FANCM: variants seen among roughly 807,000 people sequenced by gnomAD.
FANCM encodes the protein FA complementation group M.
In FANCM, 140 loss-of-function variants were observed where a neutral mutation model predicts 199.5. The observed-to-expected ratio is 0.70, with a 90% CI of 0.61 to 0.81. The LOEUF is 0.81. Among genes scored for constraint, FANCM ranks in the 30% least tolerant of loss-of-function variants. The probability of loss-of-function intolerance (pLI) is 0.00; values close to 1 mark genes in which losing one functional copy is unlikely to be tolerated. For missense variants in FANCM, 2,410 were observed against 2,421.4 expected (o/e 1.00, Z 0.10); for synonymous variants, 840 against 836.8 (o/e 1.00, Z -0.07).
At chr14:45,166,438 G>A (rs1887983049) in intron 10 of FANCM, among the ~76,000 whole-genome samples, 1 of 152,000 alleles carries the variant, frequency 6.6e-6, no homozygotes, top group Non-Finnish European at 1.5e-5. Flanking sequence ...CACCCAGCCT[G>A]AAATGATTTC....
intron 9 of FANCM, among the ~76,000 whole-genome samples, chr14:45,160,874 C>T (rs1411273628): frequency 1.3e-5 from 2 of 152,132 alleles, no homozygotes; most frequent in African/African-American, 2.4e-5. Flanking sequence ...CCTCACTACA[C>T]CGAGAAGCGT....
intron 18 of FANCM, among the ~76,000 whole-genome samples, chr14:45,186,554 G>A (rs1397244625): frequency 3.3e-5 from 5 of 152,106 alleles, no homozygotes; most frequent in Non-Finnish European, 7.4e-5. Context: ...CTCAAAGTTC[G>A]TGACTTTTAA....
chr14:45,187,209 C>CT (rs79999116), intron 18 of FANCM, among the ~76,000 whole-genome samples: 162 of 136,906 alleles, frequency 1.2e-3, no homozygotes, highest in East Asian at 0.011. Flanking sequence ...AATTTCAAAG[C>CT]TTTTTTTTTT....
In FANCM at chr14:45,175,687, A is replaced by G; in HGVS notation, c.2933A>G (p.Asn978Ser). ...YIVRTDDQFY[N>S]CHSLTKEVLA... Reference sequence around the variant, plus strand: ...GTTAGAACAGATGACCAATTTTATAATTGTCACTCATTGACAAAAGAGGTA... The same window carrying G: ...GTTAGAACAGATGACCAATTTTATAGTTGTCACTCATTGACAAAAGAGGTA... Residue 978 changes from asparagine (N) to serine (S), a missense_variant, in exon 14 of 23, where the codon AAT (asparagine) becomes AGT (serine). Transcript: ENST00000267430. 1 of 1,613,462 alleles carries G rather than the reference A, an allele frequency of 6.2e-7. No homozygotes were observed. Among genetic ancestry groups the G allele is most frequent in the Non-Finnish European group, 8.5e-7 (1 of 1,179,520 alleles).
rs1886805351 is a variant in FANCM at position 45,151,392 on chromosome 14, T to A, written c.919-5T>A. ...GCTTAAACTAGATTGCTTTTAAATT[T>A]GCAGATTTTGGAATCATTTGCTCGT... On this transcript the variant is annotated splice_region_variant and splice_polypyrimidine_tract_variant and intron_variant, in intron 4 of 22. Transcript: ENST00000267430. 6.2e-7 allele frequency: 1 copy of A among 1,613,422 alleles called. No individual in the cohort carries two copies. The highest frequency in any genetic ancestry group is 8.5e-7 in the Non-Finnish European group (1 of 1,179,690).
chr14:45,154,700 T>C lies in FANCM; in HGVS notation c.1187T>C (p.Met396Thr). Reference protein sequence around the residue: ...LCGIMDGTKGMTRSKNELGRN... With the variant: ...LCGIMDGTKGTTRSKNELGRN... ...AACCTTTTCTTAATTTCTGAAGGGA[T>C]GACACGGTCAAAAAATGAACTTGGC... is the stretch of plus-strand genomic sequence containing the variant. The change falls in exon 7 of 23, where the codon ATG becomes ACG. Residue 396 changes from methionine to threonine, a missense_variant. Transcript: ENST00000267430. 1 of 1,587,940 alleles carries C rather than the reference T, an allele frequency of 6.3e-7. No homozygotes were observed. Among genetic ancestry groups the C allele is most frequent in the South Asian group, 1.1e-5 (1 of 88,502 alleles).
At chr14:45,143,326 C>G (rs1886114304) in intron 3 of FANCM, among the ~76,000 whole-genome samples, 1 of 151,940 alleles carries the variant, frequency 6.6e-6, no homozygotes, top group African/African-American at 2.4e-5. Context: ...GCCACCACAC[C>G]CAGCAAATTT....
intron 10 of FANCM, 126 bp downstream of exon 10, chr14:45,164,691 C>G: frequency 1.3e-6 from 1 of 750,164 alleles, no homozygotes. Context: ...TATTTTCCCC[C>G]ACTTTGTATT....
chr14:45,138,985 CA>C (rs1885724464), intron 2 of FANCM, among the ~76,000 whole-genome samples: 1 of 152,192 alleles, frequency 6.6e-6, no homozygotes, highest in African/African-American at 2.4e-5. Flanking sequence ...CATATAACAA[CA>C]AAATGATTTC....
chr14:45,166,979 A>G lies in FANCM; in HGVS notation c.1818A>G (p.Arg606=), dbSNP rs1161703520. The G allele has an allele frequency of 1.8e-5, 28 of 1,590,290 alleles. No individual in the cohort carries two copies. The highest frequency in any genetic ancestry group is 2.4e-5 in the Non-Finnish European group (28 of 1,158,504). ...RIYNQSQSNK[R]SIYKAISSNR... ...ATAATCAGAGTCAGTCCAACAAAAG[A>G]AGTATATATAAAGCTATTTCAAGTA... is the stretch of plus-strand genomic sequence containing the variant. Residue 606 remains arginine, a synonymous_variant, in exon 11 of 23, where the codon AGA becomes AGG. Coordinates refer to ENST00000267430, the MANE Select transcript of FANCM (RefSeq NM_020937.4).
intron 3 of FANCM, among the ~76,000 whole-genome samples, chr14:45,143,288 T>G (rs778812865): frequency 1.8e-4 from 28 of 151,758 alleles, no homozygotes; most frequent in Non-Finnish European, 3.5e-4. Flanking sequence ...CACGTCAGCC[T>G]CCTGAGGAGC....
chr14:45,176,158 T>C lies in FANCM; in HGVS notation c.3404T>C (p.Leu1135Pro), dbSNP rs1458995237. ...TCCACTGATCAAGATGAAAGTTTGC[T>C]GTTATTTGAAGATGTTAATACAGAG... is the stretch of plus-strand genomic sequence containing the variant. ...VLSTDQDESL[L>P]LFEDVNTEFD... The change falls in exon 14 of 23, where the codon CTG (leucine) becomes CCG (proline). Residue 1135 changes from leucine to proline, a missense_variant. Leu to Pro is a moderately conservative substitution (Grantham distance 98). Coordinates refer to ENST00000267430, the MANE Select transcript of FANCM (RefSeq NM_020937.4). 1.2e-6 allele frequency: 2 copies of C among 1,614,118 alleles called. No homozygotes were observed. Among genetic ancestry groups the C allele is most frequent in the African/African-American group, 2.7e-5 (2 of 75,064 alleles).
In FANCM at chr14:45,185,054, T is replaced by C. The variant is rs115592240; in HGVS notation, c.4516-163T>C. On this transcript the variant is annotated intron_variant, in intron 17 of 22. Coordinates refer to ENST00000267430, the MANE Select transcript of FANCM (RefSeq NM_020937.4). The stretch of plus-strand genomic sequence containing the variant: ...GCTTCGGCCTCCCATAGTGCTGGGA[T>C]TACAGACATGCATCACTGCACTGGG... Among the ~76,000 whole-genome samples, 4,323 of 152,182 alleles carry C rather than the reference T, an allele frequency of 0.028. 133 individuals carry two copies. Among genetic ancestry groups the C allele is most frequent in the African/African-American group, 0.071 (2,967 of 41,502 alleles).
At chr14:45,156,209 T>G (rs1452744024) in intron 8 of FANCM, among the ~76,000 whole-genome samples, 6 of 152,064 alleles carry the variant, frequency 3.9e-5, no homozygotes, top group Non-Finnish European at 7.4e-5. Context: ...GCAGTAAAAA[T>G]AGCAGATTCA....
At chr14:45,136,570 G>A (rs1566717278) in intron 1 of FANCM, 31 bp downstream of exon 1, 4 of 1,606,618 alleles carry the variant, frequency 2.5e-6, no homozygotes, top group Non-Finnish European at 2.5e-6. Context: ...TTTGAAGTAA[G>A]AGCTGGGAAT....
chr14:45,148,890 T>A lies in FANCM; in HGVS notation c.813T>A (p.Ser271=), dbSNP rs1253579912. 2 of 1,612,428 alleles carry A rather than the reference T, an allele frequency of 1.2e-6. No individual in the cohort carries two copies. The highest frequency in any genetic ancestry group is 4.5e-5 in the East Asian group (2 of 44,820). The change falls in exon 4 of 23, where the codon TCT becomes TCA. Residue 271 remains serine, a synonymous_variant. Coordinates refer to ENST00000267430, the MANE Select transcript of FANCM (RefSeq NM_020937.4). ...TAATTGGGCAGATAGAGCTTCGTTC[T>A]GAAGATTCTCCAGATATTTTGACAT... ...NLLIGQIELR[S]EDSPDILTYS... is the part of the protein sequence containing the mutation.
Position 45,179,375 on chromosome 14 carries a change from T to C in FANCM, c.4223-2055T>C, listed in dbSNP as rs573915723. 1.4e-4 allele frequency among the ~76,000 whole-genome samples: 22 copies of C among 152,074 alleles called. No homozygotes were observed. The South Asian group carries it at 4.6e-3, about 32-fold the overall frequency. On this transcript the variant is annotated intron_variant, in intron 14 of 22. Coordinates refer to ENST00000267430, the MANE Select transcript of FANCM (RefSeq NM_020937.4). ...CTGGGTTTGATCTTTGCCTAGAAAA[T>C]TTCTTAATTTTATCATTGTTCGCCA...
chr14:45,166,830 T>G, intron 10 of FANCM, 120 bp from the exon 11 acceptor site: 1 of 677,400 alleles, frequency 1.5e-6, no homozygotes, highest in East Asian at 2.7e-5. Flanking sequence ...TTCTAAGTAT[T>G]TAAGTGGATC....
chr14:45,196,148 G>T, intron 20 of FANCM, 24 bp from the exon 21 acceptor site: 1 of 1,613,724 alleles, frequency 6.2e-7, no homozygotes, highest in South Asian at 1.1e-5. Flanking sequence ...ACCTGAATGT[G>T]ACCAGTGTTT....
Sources: allele counts gnomAD v4.1 joint callset (sites outside exome capture counted in the v4.1 genomes callset), GRCh38; gene constraint gnomAD v4.1.1; transcripts MANE v1.5; gene names NCBI Gene and HGNC (gene_info 2026-07-23, HGNC 2026-07-21).